The following VAV3 variants were observed in gnomAD, a reference collection of about 807,000 sequenced individuals.
VAV3 encodes vav guanine nucleotide exchange factor 3, also known as guanine nucleotide exchange factor VAV3.
A neutral mutation model predicts 131.2 loss-of-function variants in VAV3; 94 were observed. That is an observed-to-expected ratio of 0.72 (90% CI 0.61 to 0.85). The LOEUF is 0.85. VAV3 is among the 40% of genes least tolerant of loss of function. The pLI is 0.00. For synonymous variants in VAV3, 349 were observed against 342.0 expected, an observed-to-expected ratio of 1.02 and a Z score of -0.22; for missense variants, 939 against 1,002.7, an observed-to-expected ratio of 0.94 and a Z score of 0.86.
chr1:107,764,864 G>A (rs1664649409), intron 9 of VAV3, among the ~76,000 whole-genome samples: 1 of 152,128 alleles, frequency 6.6e-6, no homozygotes, highest in Non-Finnish European at 1.5e-5. Flanking sequence ...GATAATGCAT[G>A]TAAAACACAG....
At chr1:107,726,931 T>C (rs984909060) in intron 15 of VAV3, among the ~76,000 whole-genome samples, 2 of 152,184 alleles carry the variant, frequency 1.3e-5, no homozygotes, top group Non-Finnish European at 2.9e-5. Context: ...AACACATGTA[T>C]ACACATATAC....
intron 25 of VAV3, 43 bp downstream of exon 25, chr1:107,596,169 T>G (rs775382970): frequency 6.3e-7 from 1 of 1,595,158 alleles, no homozygotes; most frequent in Non-Finnish European, 8.5e-7. Flanking sequence ...GTGCCCCTAA[T>G]TTTTAAGTGA....
chr1:107,672,353 T>C (rs921368432), intron 19 of VAV3: 2 of 151,820 alleles, frequency 1.3e-5, no homozygotes, highest in African/African-American at 4.8e-5. Context: ...TAATGTACAT[T>C]TGGAATTAGT....
rs144638136 is a variant in VAV3, at chr1:107,795,549, T to C, written c.322-16057A>G. On this transcript the variant is annotated intron_variant, in intron 2 of 26. Coordinates refer to ENST00000370056, the MANE Select transcript of VAV3 (RefSeq NM_006113.5). ...CCCTCCCCCCAGGAAAAAAAATGAA[T>C]GCCCTGTCAAAATATGGCATATGTA... Among the ~76,000 whole-genome samples the C allele has an allele frequency of 6.1e-3, 935 of 152,310 alleles. 5 individuals carry two copies. The highest frequency in any genetic ancestry group is 1.0e-2 in the Non-Finnish European group (679 of 68,020).
intron 10 of VAV3, among the ~76,000 whole-genome samples, chr1:107,759,975 C>T (rs1664323483): frequency 6.6e-6 from 1 of 152,024 alleles, no homozygotes; most frequent in Admixed American, 6.6e-5. Context: ...TGTTTTAATG[C>T]ATTTTTAAGG....
intron 2 of VAV3, among the ~76,000 whole-genome samples, chr1:107,864,937 A>T (rs1406991113): frequency 2.6e-5 from 4 of 152,188 alleles, no homozygotes; most frequent in Non-Finnish European, 4.4e-5. Flanking sequence ...CTTCCCAATG[A>T]GTAAATGATG....
At chr1:107,733,795 G>C (rs1016234643) in intron 15 of VAV3, among the ~76,000 whole-genome samples, 9 of 152,192 alleles carry the variant, frequency 5.9e-5, no homozygotes, top group African/African-American at 2.2e-4. Context: ...AGGGAGAATG[G>C]AATCAAGCTG....
At position 107,716,440 on chromosome 1, in the gene VAV3, T is replaced by G. The variant is rs576909677; in HGVS notation, c.1503-11379A>C. On this transcript the variant is annotated intron_variant, in intron 15 of 26. Transcript: ENST00000370056. ...GTTAGGAGTTTGAGAGTTTTTAGCA[T>G]GAAGCGCTGTTCAATTTTGTCAAAG... Among the ~76,000 whole-genome samples, 4 of 152,298 alleles carry G rather than the reference T, an allele frequency of 2.6e-5. No homozygotes were observed. In the South Asian group the frequency reaches 6.2e-4, roughly 24 times the overall value.
intron 3 of VAV3, among the ~76,000 whole-genome samples, chr1:107,778,159 T>C (rs11185175): frequency 0.32 from 48,661 of 152,066 alleles, 8,343 homozygotes; most frequent in Non-Finnish European, 0.38. Context: ...AAATAATTAC[T>C]AGTTATATTA....
At chr1:107,608,811 A>G (rs1238102733) in intron 22 of VAV3, among the ~76,000 whole-genome samples, 2 of 152,228 alleles carry the variant, frequency 1.3e-5, no homozygotes, top group African/African-American at 4.8e-5. Context: ...CTCACATGGT[A>G]ACATGCAAAC....
intron 25 of VAV3, among the ~76,000 whole-genome samples, chr1:107,581,361 G>A (rs574515551): frequency 3.9e-5 from 6 of 152,168 alleles, no homozygotes; most frequent in Admixed American, 6.5e-5. Context: ...CATACATGGG[G>A]CATTATTAGC....
chr1:107,932,113 G>A (rs1015342027), intron 1 of VAV3, among the ~76,000 whole-genome samples: 8 of 152,212 alleles, frequency 5.3e-5, no homozygotes, highest in African/African-American at 1.7e-4. Context: ...CCCGGCTTCA[G>A]TGGCATGTCA....
At chr1:107,644,079 C>T (rs1338290083) in intron 19 of VAV3, among the ~76,000 whole-genome samples, 2 of 152,100 alleles carry the variant, frequency 1.3e-5, no homozygotes, top group African/African-American at 4.8e-5. Flanking sequence ...CACCCTAACA[C>T]CAACAGCAGA....
intron 2 of VAV3, among the ~76,000 whole-genome samples, chr1:107,800,582 A>T (rs1250831426): frequency 6.6e-6 from 1 of 152,186 alleles, no homozygotes; most frequent in African/African-American, 2.4e-5. Context: ...GATTTGTTAC[A>T]TGGGAATATT....
intron 2 of VAV3, among the ~76,000 whole-genome samples, chr1:107,795,053 C>T (rs1305176942): frequency 6.6e-6 from 1 of 152,122 alleles, no homozygotes; most frequent in African/African-American, 2.4e-5. Context: ...GAGAGGAGGG[C>T]ACTGAAGTCC....
intron 21 of VAV3, among the ~76,000 whole-genome samples, chr1:107,611,415 T>C (rs138038228): frequency 1.8e-4 from 28 of 152,308 alleles, no homozygotes; most frequent in African/African-American, 6.5e-4. Context: ...ATCATTCAAA[T>C]AGTTTCTTAC....
chr1:107,816,681 T>C (rs983383617), intron 2 of VAV3, among the ~76,000 whole-genome samples: 1 of 152,254 alleles, frequency 6.6e-6, no homozygotes, highest in East Asian at 1.9e-4. Flanking sequence ...ACAGCTCAAA[T>C]TTTTAAAGTA....
chr1:107,880,443 T>C (rs192789816), intron 1 of VAV3, among the ~76,000 whole-genome samples: 2 of 152,234 alleles, frequency 1.3e-5, no homozygotes, highest in Admixed American at 6.5e-5. Context: ...GGGATGTCCA[T>C]GGCATGCCAA....
rs1177994166 is a variant in VAV3, at chr1:107,650,533, AT to A, written c.1778-7779del. On this transcript the variant is annotated intron_variant, in intron 19 of 26. Coordinates refer to ENST00000370056, the MANE Select transcript of VAV3 (RefSeq NM_006113.5). ...TAGGAGGTGGAGCCTTTTTTTTTAA[AT>A]TTTTATTTTATTATTTATTTATTTA... Among the ~76,000 whole-genome samples, 12 of 150,296 alleles carry A rather than the reference AT, an allele frequency of 8.0e-5. No homozygotes were observed. In the East Asian group the frequency reaches 2.3e-3, roughly 29 times the overall value.
Sources: gnomAD v4.1 joint callset for allele counts (sites outside exome capture counted in the v4.1 genomes callset) on GRCh38, gnomAD v4.1.1 for gene constraint, MANE v1.5 for transcripts, NCBI Gene and HGNC (gene_info 2026-07-23, HGNC 2026-07-21) for gene names.